The following FRMPD4 variants were observed in gnomAD, a reference collection of about 807,000 sequenced individuals.
The protein encoded by FRMPD4 is FERM and PDZ domain containing 4.
Under a neutral mutation model 94.1 loss-of-function variants are expected in FRMPD4, and 22 were observed. That is an observed-to-expected ratio of 0.23 (90% CI 0.17 to 0.33). The LOEUF is 0.33. FRMPD4 is among the 10% of genes least tolerant of loss of function. FRMPD4 has a pLI of 1.00. For missense variants in FRMPD4, 1,111 were observed against 1,339.9 expected (o/e 0.83, Z 2.67); for synonymous variants, 631 against 548.6 (o/e 1.15, Z -2.10).
intron 3 of FRMPD4, among the ~76,000 whole-genome samples, chrX:12,097,882 A>T (rs767314621): frequency 7.9e-4 from 89 of 112,411 alleles, no homozygotes; most frequent in Non-Finnish European, 1.4e-3. Context: ...TGTTATGAAC[A>T]TTTGGCCAGT....
intron 3 of FRMPD4, among the ~76,000 whole-genome samples, chrX:12,103,745 A>C (rs1051846790): frequency 8.9e-6 from 1 of 111,957 alleles, no homozygotes; most frequent in Non-Finnish European, 1.9e-5. Context: ...AACTCAACAA[A>C]GTTGAAAAAT....
At chrX:12,291,248 T>G (rs1397614537) in intron 1 of FRMPD4, among the ~76,000 whole-genome samples, 2 of 112,455 alleles carry the variant, frequency 1.8e-5, no homozygotes, top group African/African-American at 6.5e-5. Flanking sequence ...TCAGTACCAC[T>G]TGTACTACCT....
intron 3 of FRMPD4, among the ~76,000 whole-genome samples, chrX:12,611,863 T>C (rs1357783925): frequency 2.1e-5 from 2 of 97,345 alleles, no homozygotes; most frequent in East Asian, 2.9e-4. Flanking sequence ...TTGCTTCTTA[T>C]GATAACATGC....
At chrX:12,553,660 A>G (rs2058564810) in intron 2 of FRMPD4, among the ~76,000 whole-genome samples, 1 of 107,644 alleles carries the variant, frequency 9.3e-6, no homozygotes, top group Non-Finnish European at 1.9e-5. Context: ...ATGGCATAAA[A>G]CACCAGCTCT....
intron 1 of FRMPD4, among the ~76,000 whole-genome samples, chrX:12,247,605 G>A (rs1211182927): frequency 2.7e-5 from 3 of 111,788 alleles, no homozygotes; most frequent in Non-Finnish European, 5.6e-5. Context: ...CAGGCTGGTC[G>A]TGAACTCCTG....
chrX:12,556,407 T>C (rs1159424712), intron 2 of FRMPD4, among the ~76,000 whole-genome samples: 2 of 110,802 alleles, frequency 1.8e-5, no homozygotes, highest in African/African-American at 6.6e-5. Context: ...CAAAAAGTAA[T>C]GTTATGCACT....
At chrX:12,015,541 G>A (rs373004743) in intron 3 of FRMPD4, among the ~76,000 whole-genome samples, 1 of 111,521 alleles carries the variant, frequency 9.0e-6, no homozygotes. Context: ...TACATATTTT[G>A]CTCCTTTTAT....
intron 3 of FRMPD4, among the ~76,000 whole-genome samples, chrX:11,893,809 C>T (rs2053887852): frequency 9.0e-6 from 1 of 111,240 alleles, no homozygotes; most frequent in Non-Finnish European, 1.9e-5. Context: ...CCAGTTAGGG[C>T]AGGCTAAAAG....
At chrX:12,675,124 C>G (rs2059885172) in intron 5 of FRMPD4, among the ~76,000 whole-genome samples, 1 of 112,255 alleles carries the variant, frequency 8.9e-6, no homozygotes, top group South Asian at 3.7e-4. Context: ...TTCTAAAGTT[C>G]TTGAAAGACA....
chrX:12,242,163 A>G (rs755932040), intron 1 of FRMPD4, among the ~76,000 whole-genome samples: 1 of 111,567 alleles, frequency 9.0e-6, no homozygotes, highest in Non-Finnish European at 1.9e-5. Context: ...TTTAAAAATT[A>G]TTTTCAGCTT....
At chrX:12,288,862 A>G (rs1012109598) in intron 1 of FRMPD4, among the ~76,000 whole-genome samples, 7 of 112,117 alleles carry the variant, frequency 6.2e-5, no homozygotes, top group Non-Finnish European at 1.1e-4. Flanking sequence ...TTTTTTCAAT[A>G]ATTTCATTCA....
chrX:12,428,035 C>A (rs5935333), intron 1 of FRMPD4, among the ~76,000 whole-genome samples: 1 of 105,142 alleles, frequency 9.5e-6, no homozygotes, highest in African/African-American at 3.5e-5. Flanking sequence ...TCAGCCTCCC[C>A]AGTAGCTGGG....
chrX:12,522,996 C>G, intron 2 of FRMPD4, among the ~76,000 whole-genome samples: 1 of 112,250 alleles, frequency 8.9e-6, no homozygotes, highest in Middle Eastern at 4.6e-3. Context: ...AAGGAGGAAC[C>G]TCTGACTCTT....
Position 11,902,257 on chromosome X carries a change from T to C in FRMPD4, c.95+24239T>C, listed in dbSNP as rs762403575. Among the ~76,000 whole-genome samples, 162 of 112,692 alleles carry C rather than the reference T, an allele frequency of 1.4e-3. 3 individuals are homozygous for C. Among genetic ancestry groups the C allele is most frequent in the Non-Finnish European group, 4.5e-4 (24 of 53,366 alleles). On this transcript the variant is annotated intron_variant, in intron 3 of 18. Transcript: ENST00000640291. ...TGTCAGCTTGGCTGCTATAACAAAA[T>C]GGCACAGACTTGGTGGCTTAAACAG...
intron 3 of FRMPD4, among the ~76,000 whole-genome samples, chrX:11,909,279 C>A (rs1255803736): frequency 1.8e-5 from 2 of 111,714 alleles, no homozygotes; most frequent in Non-Finnish European, 3.8e-5. Context: ...TGAGTTTTGG[C>A]AGTTTGTGTC....
At chrX:11,931,040 G>T (rs1047292253) in intron 3 of FRMPD4, among the ~76,000 whole-genome samples, 6 of 111,207 alleles carry the variant, frequency 5.4e-5, no homozygotes, top group Admixed American at 4.8e-4. Flanking sequence ...CCTTTATCTG[G>T]CTCCCTGAAT....
chrX:12,680,521 T>C (rs1201329158), intron 5 of FRMPD4, among the ~76,000 whole-genome samples: 4 of 112,400 alleles, frequency 3.6e-5, no homozygotes, highest in Non-Finnish European at 7.5e-5. Context: ...CCTTCAGACT[T>C]GGAGAGCCTA....
intron 2 of FRMPD4, among the ~76,000 whole-genome samples, chrX:12,594,584 C>T (rs992362504): frequency 3.6e-5 from 4 of 110,050 alleles, no homozygotes; most frequent in African/African-American, 9.9e-5. Context: ...TACAGGTGCC[C>T]GCCACCACGC....
chrX:12,420,113 C>T (rs1213223885), intron 1 of FRMPD4, among the ~76,000 whole-genome samples: 2 of 111,618 alleles, frequency 1.8e-5, no homozygotes, highest in Non-Finnish European at 3.8e-5. Context: ...GTCACCATCA[C>T]GCCTGCTCCT....
Sources: allele counts gnomAD v4.1 joint callset (sites outside exome capture counted in the v4.1 genomes callset), GRCh38; gene constraint gnomAD v4.1.1; transcripts MANE v1.5; gene names NCBI Gene and HGNC (gene_info 2026-07-23, HGNC 2026-07-21).